The following E2F5 variants were observed in gnomAD, a reference collection of about 807,000 sequenced individuals.
The protein encoded by E2F5 is E2F transcription factor 5, also known as transcription factor E2F5.
E2F5 carries 23 observed loss-of-function variants against 39.1 expected under a neutral mutation model. The observed-to-expected ratio is 0.59, with a 90% CI of 0.42 to 0.83. The LOEUF (loss-of-function observed/expected upper bound fraction) is 0.83. E2F5 is among the 40% of genes least tolerant of loss of function. The pLI, the probability that E2F5 is intolerant of heterozygous loss-of-function variation, is 0.00. For synonymous variants in E2F5, 145 were observed against 157.8 expected (o/e 0.92, Z 0.61); for missense variants, 365 against 406.7 (o/e 0.90, Z 0.88).
rs4150907 is a variant in E2F5, at chr8:85,194,772, A to G, written c.235-7375A>G. Among the ~76,000 whole-genome samples the G allele has an allele frequency of 4.0e-3, 601 of 150,392 alleles. 25 individuals are homozygous for G. The highest frequency in any genetic ancestry group is 0.035 in the Admixed American group (532 of 15,174). On this transcript the variant is annotated intron_variant, in intron 1 of 7. Coordinates refer to ENST00000416274, the MANE Select transcript of E2F5 (RefSeq NM_001951.4). The stretch of plus-strand genomic sequence containing the variant: ...CTGGTCTTCAACTCCTGACCTCATG[A>G]TCCACCCTCCTCGGCCTCCCAAAGT...
intron 1 of E2F5, among the ~76,000 whole-genome samples, chr8:85,189,853 T>C (rs117613232): frequency 1.3e-5 from 2 of 152,298 alleles, no homozygotes; most frequent in Non-Finnish European, 2.9e-5. Context: ...TTCCAGATTA[T>C]AATTATCAGA....
chr8:85,186,839 A>G (rs1022112203), intron 1 of E2F5, among the ~76,000 whole-genome samples: 1 of 148,070 alleles, frequency 6.8e-6, no homozygotes, highest in African/African-American at 2.5e-5. Flanking sequence ...ATATATATGT[A>G]AGGTGTATAT....
At chr8:85,187,211 TG>T (rs1812361229) in intron 1 of E2F5, among the ~76,000 whole-genome samples, 1 of 152,138 alleles carries the variant, frequency 6.6e-6, no homozygotes, top group Non-Finnish European at 1.5e-5. Flanking sequence ...TGTTATGATT[TG>T]TTTTTTGGCC....
At chr8:85,195,629 G>A (rs4150910) in intron 1 of E2F5, among the ~76,000 whole-genome samples, 22 of 152,070 alleles carry the variant, frequency 1.4e-4, no homozygotes, top group African/African-American at 4.8e-4. Flanking sequence ...AGCTGGGACT[G>A]CAGGCACGTA....
At chr8:85,213,619 C>T in intron 7 of E2F5, 134 bp from the exon 8 acceptor site, 1 of 350,848 alleles carries the variant, frequency 2.9e-6, no homozygotes, top group Middle Eastern at 7.5e-4. Context: ...CAAATTGTTA[C>T]TAAATGAGAA....
Position 85,202,218 on chromosome 8 carries a change from C to T in E2F5, c.306C>T (p.Asp102=). 6.2e-7 allele frequency: 1 copy of T among 1,611,702 alleles called. No individual in the cohort carries two copies. The highest frequency in any genetic ancestry group is 8.5e-7 in the Non-Finnish European group (1 of 1,179,128). ...TCACCAATGTCTTAGAGGGAATTGA[C>T]TTGATTGAAAAAAAGTCAAAAAACA... ...YDITNVLEGI[D]LIEKKSKNSI... The change falls in exon 2 of 8, where the codon GAC becomes GAT. Residue 102 remains aspartate, a synonymous_variant. Transcript: ENST00000416274.
intron 1 of E2F5, among the ~76,000 whole-genome samples, chr8:85,181,479 C>G (rs1812211900): frequency 6.7e-6 from 1 of 150,004 alleles, no homozygotes; most frequent in South Asian, 2.1e-4. Flanking sequence ...TACAGGCGCC[C>G]GCCACCACGC....
chr8:85,183,068 G>T (rs1031428976), intron 1 of E2F5, among the ~76,000 whole-genome samples: 1 of 152,078 alleles, frequency 6.6e-6, no homozygotes, highest in Non-Finnish European at 1.5e-5. Flanking sequence ...TGGCTAACAC[G>T]GTGAAACCCC....
rs1813045194 is a variant in E2F5 at position 85,214,376 on chromosome 8, T to C, written c.*514T>C. ...TGAAGTGCCTTCTGTTTTAGCACTT[T>C]AAGTTTATCACATTTTGTTGACTTC... On this transcript the variant is annotated 3_prime_UTR_variant, in exon 8 of 8. Transcript: ENST00000416274. The C allele has an allele frequency of 1.6e-6, 1 of 612,386 alleles. No individual in the cohort carries two copies. The highest frequency in any genetic ancestry group is 2.9e-6 in the Non-Finnish European group (1 of 344,804). The allele number at this position is 612,386 out of a possible 1,614,324, so 37.9% of individuals were successfully genotyped here.
chr8:85,204,527 C>T (rs892566628), intron 3 of E2F5, among the ~76,000 whole-genome samples: 1 of 124,882 alleles, frequency 8.0e-6, no homozygotes, highest in Non-Finnish European at 1.6e-5. Context: ...GAACATCACA[C>T]ACCAGGGACT....
At position 85,214,336 on chromosome 8, in the gene E2F5, A is replaced by G. The variant is rs1238338503; in HGVS notation, c.*474A>G. On this transcript the variant is annotated 3_prime_UTR_variant, in exon 8 of 8. Transcript: ENST00000416274. ...GTAAACGAGGATATATAACTGTTTC[A>G]GTGAACAGATTTTGTGAAGTGCCTT... 1.7e-6 allele frequency: 1 copy of G among 592,930 alleles called. No individual in the cohort carries two copies. The highest frequency in any genetic ancestry group is 3.0e-6 in the Non-Finnish European group (1 of 333,456). 36.7% of individuals were successfully genotyped at this position (592,930 alleles called of 1,614,324 possible). A position where few individuals can be genotyped will look rare whatever the true frequency, so the allele number is the denominator to read the frequency against.
chr8:85,210,488 G>A (rs542453923), intron 6 of E2F5, among the ~76,000 whole-genome samples: 5 of 152,138 alleles, frequency 3.3e-5, no homozygotes, highest in Non-Finnish European at 7.4e-5. Context: ...GACCAGTCTT[G>A]CCAACATATA....
chr8:85,205,176 C>T (rs931377463), intron 3 of E2F5, among the ~76,000 whole-genome samples: 5 of 151,962 alleles, frequency 3.3e-5, no homozygotes, highest in African/African-American at 9.7e-5. Flanking sequence ...GAGCAAACTC[C>T]GTCTCAAAAT....
chr8:85,199,771 T>C (rs1812654066), intron 1 of E2F5, among the ~76,000 whole-genome samples: 1 of 152,274 alleles, frequency 6.6e-6, no homozygotes, highest in Non-Finnish European at 1.5e-5. Context: ...GTAATCACTA[T>C]ACAGTAGACA....
At chr8:85,212,790 A>G (rs1010092538) in intron 7 of E2F5, 1 of 152,186 alleles carries the variant, frequency 6.6e-6, no homozygotes, top group African/African-American at 2.4e-5. Context: ...GAGATGTACT[A>G]AACATGTATG....
chr8:85,196,795 G>A (rs1389055894), intron 1 of E2F5, among the ~76,000 whole-genome samples: 1 of 152,112 alleles, frequency 6.6e-6, no homozygotes, highest in Non-Finnish European at 1.5e-5. Context: ...CAATTATCCT[G>A]TTACTGGCTT....
intron 1 of E2F5, among the ~76,000 whole-genome samples, chr8:85,188,984 T>C (rs1230937144): frequency 6.6e-6 from 1 of 152,188 alleles, no homozygotes; most frequent in African/African-American, 2.4e-5. Flanking sequence ...AGGTATGTTA[T>C]AGTATGGATG....
intron 6 of E2F5, among the ~76,000 whole-genome samples, chr8:85,211,822 G>C (rs1411798296): frequency 2.6e-5 from 4 of 151,352 alleles, no homozygotes; most frequent in Non-Finnish European, 4.4e-5. Flanking sequence ...TGTATTTTTT[G>C]TAAAGACGGA....
At chr8:85,193,101 G>T (rs1393626492) in intron 1 of E2F5, among the ~76,000 whole-genome samples, 1 of 152,084 alleles carries the variant, frequency 6.6e-6, no homozygotes, top group African/African-American at 2.4e-5. Flanking sequence ...TAAATGTTGG[G>T]TATTCTAATT....
Sources: allele counts gnomAD v4.1 joint callset (sites outside exome capture counted in the v4.1 genomes callset), GRCh38; gene constraint gnomAD v4.1.1; transcripts MANE v1.5; gene names NCBI Gene and HGNC (gene_info 2026-07-23, HGNC 2026-07-21).